The following SORCS2 variants were observed in gnomAD, a reference collection of about 807,000 sequenced individuals.
The protein encoded by SORCS2 is sortilin related VPS10 domain containing receptor 2.
In SORCS2, 100 loss-of-function variants were observed where a neutral mutation model predicts 141.6. The observed-to-expected ratio is 0.71, with a 90% confidence interval of 0.60 to 0.83. The LOEUF (loss-of-function observed/expected upper bound fraction) is 0.83. SORCS2 is among the 40% of genes least tolerant of loss of function. SORCS2 has a pLI of 0.00. For missense variants in SORCS2, 1,646 were observed against 1,560.2 expected (o/e 1.05, Z -0.93); for synonymous variants, 789 against 676.9 (o/e 1.17, Z -2.57).
intron 2 of SORCS2, among the ~76,000 whole-genome samples, chr4:7,503,964 C>A (rs1185221255): frequency 6.6e-6 from 1 of 152,158 alleles, no homozygotes; most frequent in Non-Finnish European, 1.5e-5. Context: ...CCCTGTCGGA[C>A]TTGGTCTCTA....
intron 1 of SORCS2, among the ~76,000 whole-genome samples, chr4:7,282,959 T>G (rs146170750): frequency 6.6e-6 from 1 of 152,368 alleles, no homozygotes; most frequent in African/African-American, 2.4e-5. Context: ...TCACACTCAT[T>G]AATTCATTCA....
intron 1 of SORCS2, among the ~76,000 whole-genome samples, chr4:7,302,456 C>T (rs1356738776): frequency 2.6e-5 from 4 of 152,212 alleles, no homozygotes; most frequent in African/African-American, 2.4e-5. Context: ...CCAGAACGCC[C>T]TCCCTGCAGC....
chr4:7,689,364 G>A, intron 10 of SORCS2, 122 bp from the exon 11 acceptor site: 2 of 829,292 alleles, frequency 2.4e-6, no homozygotes, highest in East Asian at 2.7e-5. Context: ...GTTCCTCCAA[G>A]GCACTCCTGG....
At chr4:7,575,891 A>T (rs1715716839) in intron 3 of SORCS2, among the ~76,000 whole-genome samples, 1 of 152,224 alleles carries the variant, frequency 6.6e-6, no homozygotes, top group Non-Finnish European at 1.5e-5. Context: ...AAGGTGAATT[A>T]TCTGTTGTTT....
chr4:7,719,681 G>T (rs544058182), intron 18 of SORCS2, among the ~76,000 whole-genome samples: 1 of 152,310 alleles, frequency 6.6e-6, no homozygotes, highest in South Asian at 2.1e-4. Flanking sequence ...GTCCCGCTTG[G>T]ACCCTCAGAG....
intron 1 of SORCS2, among the ~76,000 whole-genome samples, chr4:7,225,380 T>C (rs1409872059): frequency 2.6e-5 from 4 of 152,210 alleles, no homozygotes; most frequent in African/African-American, 9.6e-5. Context: ...ACCGGAATCG[T>C]TCTCTGTTGA....
intron 2 of SORCS2, chr4:7,433,358 G>A (rs1364842998): frequency 2.1e-6 from 3 of 1,440,812 alleles, no homozygotes; most frequent in African/African-American, 2.9e-5. Context: ...TTCCATACAT[G>A]CTTCTGGCAG....
chr4:7,391,859 G>C (rs923317348), intron 1 of SORCS2, among the ~76,000 whole-genome samples: 9 of 152,204 alleles, frequency 5.9e-5, no homozygotes, highest in Non-Finnish European at 1.2e-4. Flanking sequence ...TCACTTGCAA[G>C]GGAGGTGGGT....
intron 3 of SORCS2, among the ~76,000 whole-genome samples, chr4:7,554,015 G>A (rs1478740429): frequency 1.3e-5 from 2 of 152,200 alleles, no homozygotes; most frequent in Non-Finnish European, 2.9e-5. Context: ...ACAGCCATGG[G>A]CGAGAGACTC....
intron 1 of SORCS2, among the ~76,000 whole-genome samples, chr4:7,352,728 G>A (rs138760210): frequency 4.6e-5 from 7 of 152,324 alleles, no homozygotes; most frequent in East Asian, 1.9e-4. Flanking sequence ...CAGCTGGAAC[G>A]GCAGGAAGGT....
At chr4:7,418,899 A>G (rs931300528) in intron 2 of SORCS2, among the ~76,000 whole-genome samples, 2 of 152,088 alleles carry the variant, frequency 1.3e-5, no homozygotes, top group Admixed American at 6.5e-5. Flanking sequence ...GCCTGGGGCA[A>G]TGGGGAAGAC....
intron 11 of SORCS2, among the ~76,000 whole-genome samples, chr4:7,693,076 C>T (rs949510379): frequency 3.3e-5 from 5 of 152,150 alleles, no homozygotes; most frequent in African/African-American, 9.7e-5. Flanking sequence ...GTGCCGGTGG[C>T]GGGTTCTTCC....
intron 1 of SORCS2, among the ~76,000 whole-genome samples, chr4:7,331,980 G>T (rs1412690300): frequency 6.6e-6 from 1 of 152,214 alleles, no homozygotes; most frequent in African/African-American, 2.4e-5. Context: ...CGTCCTGAGA[G>T]CTGAAGACTC....
At chr4:7,327,159 T>TG (rs1290129896) in intron 1 of SORCS2, among the ~76,000 whole-genome samples, 1 of 152,204 alleles carries the variant, frequency 6.6e-6, no homozygotes, top group Non-Finnish European at 1.5e-5. Context: ...TCCACCGAGC[T>TG]GGGGGCGTCA....
At chr4:7,354,029 TTC>T (rs2109011167) in intron 1 of SORCS2, among the ~76,000 whole-genome samples, 2 of 152,280 alleles carry the variant, frequency 1.3e-5, no homozygotes, top group East Asian at 3.9e-4. Flanking sequence ...CCCGCACCAC[TTC>T]TCTCTCTCTG....
intron 1 of SORCS2, among the ~76,000 whole-genome samples, chr4:7,383,297 T>G (rs760687425): frequency 1.3e-5 from 2 of 152,210 alleles, no homozygotes; most frequent in Non-Finnish European, 2.9e-5. Flanking sequence ...TTGGGTTCCC[T>G]AAGGCCAAGG....
intron 1 of SORCS2, among the ~76,000 whole-genome samples, chr4:7,315,855 G>A (rs1269852571): frequency 1.3e-5 from 2 of 152,128 alleles, no homozygotes; most frequent in Non-Finnish European, 2.9e-5. Context: ...GTGGGGGAGT[G>A]GGGGAGGAAG....
intron 1 of SORCS2, among the ~76,000 whole-genome samples, chr4:7,275,604 AGCTGTCACTTCCT>A (rs1249401653): frequency 6.6e-6 from 1 of 152,176 alleles, no homozygotes; most frequent in Non-Finnish European, 1.5e-5. Context: ...CCAGACTTTC[AGCTGTCACTTCCT>A]GTTGCTGCTT....
chr4:7,322,144 T>C (rs750007740), intron 1 of SORCS2, among the ~76,000 whole-genome samples: 2 of 152,130 alleles, frequency 1.3e-5, no homozygotes, highest in Non-Finnish European at 2.9e-5. Flanking sequence ...CAGATGCTGC[T>C]TGACCAGAGG....
Sources: gnomAD v4.1 joint callset for allele counts (sites outside exome capture counted in the v4.1 genomes callset) on GRCh38, gnomAD v4.1.1 for gene constraint, MANE v1.5 for transcripts, NCBI Gene and HGNC (gene_info 2026-07-23, HGNC 2026-07-21) for gene names.